RELN: variants seen among roughly 807,000 people sequenced by gnomAD.
RELN encodes the protein reelin.
RELN carries 108 observed loss-of-function variants against 427.6 expected under a neutral mutation model. That is an observed-to-expected ratio of 0.25 (90% CI 0.22 to 0.30). The LOEUF (loss-of-function observed/expected upper bound fraction) is 0.30. Among genes scored for constraint, RELN ranks in the 10% least tolerant of loss-of-function variants. The pLI, the probability that RELN is intolerant of heterozygous loss-of-function variation, is 1.00. For synonymous variants in RELN, 1,524 were observed against 1,513.4 expected (o/e 1.01, Z -0.16); for missense variants, 3,715 against 4,302.8 (o/e 0.86, Z 3.82).
rs571359143 is a variant in RELN at position 103,977,692 on chromosome 7, C to T, written c.226+11439G>A. On this transcript the variant is annotated intron_variant, in intron 1 of 64. Transcript: ENST00000428762. ...CGACTCCTTTAGCAGTTGACCACTCCCTTCTCCTTGAGACACGAATCATTT... is the reference window on the plus strand; with the variant it reads ...CGACTCCTTTAGCAGTTGACCACTCTCTTCTCCTTGAGACACGAATCATTT... Among the ~76,000 whole-genome samples the T allele has an allele frequency of 9.9e-5, 15 of 152,202 alleles. No homozygotes were observed. In the East Asian group the frequency reaches 2.9e-3, roughly 30 times the overall value.
At chr7:103,475,995 C>T (rs1828019862) in intron 64 of RELN, among the ~76,000 whole-genome samples, 1 of 152,090 alleles carries the variant, frequency 6.6e-6, no homozygotes, top group Non-Finnish European at 1.5e-5. Flanking sequence ...TCAAGTGATC[C>T]TGTTGCCTTG....
intron 46 of RELN, 127 bp from the exon 47 acceptor site, chr7:103,523,658 G>T: frequency 1.1e-6 from 1 of 903,936 alleles, no homozygotes; most frequent in Non-Finnish European, 1.7e-6. Flanking sequence ...TTTCTGAAAA[G>T]AACATTCATT....
Position 103,542,775 on chromosome 7 carries a change from G to A in RELN, c.6627C>T (p.Gly2209=), listed in dbSNP as rs2117134413. 3 of 1,614,050 alleles carry A rather than the reference G, an allele frequency of 1.9e-6. No individual in the cohort carries two copies. In the East Asian group the frequency reaches 6.7e-5, roughly 36 times the overall value. Residue 2209 remains glycine (G), a synonymous_variant, in exon 43 of 65, where the codon GGC becomes GGT. Transcript: ENST00000428762. The stretch of plus-strand genomic sequence containing the variant: ...GGTCTCGTGTCATCAACATGCGCAA[G>A]CCATCTTCATTGAAAAAGAGGTTGT... ...SGNNLFFNED[G]LRMLMTRDLD... is the part of the protein sequence containing the mutation.
intron 38 of RELN, among the ~76,000 whole-genome samples, chr7:103,556,047 G>A (rs1305441202): frequency 6.6e-6 from 1 of 152,120 alleles, no homozygotes; most frequent in African/African-American, 2.4e-5. Context: ...TAGAAATATA[G>A]AAAGCAATAA....
In RELN at chr7:103,489,876, T is replaced by C; in HGVS notation, c.9629A>G (p.Gln3210Arg). The C allele has an allele frequency of 6.2e-7, 1 of 1,614,200 alleles. No individual in the cohort carries two copies. Among genetic ancestry groups the C allele is most frequent in the Non-Finnish European group, 8.5e-7 (1 of 1,180,028 alleles). The change falls in exon 60 of 65, where the codon CAG becomes CGG. Residue 3210 changes from glutamine (Q) to arginine (R), a missense_variant. Gln to Arg is a conservative substitution (Grantham distance 43). Transcript: ENST00000428762. ...TTGCTTCTCAGTTTCTTCTCCCTTC[T>C]GGATCCAGCGGAACTGTGTTGCACT... ...SSSATQFRWI[Q>R]KGEETEKQSW...
intron 28 of RELN, among the ~76,000 whole-genome samples, chr7:103,588,188 A>G (rs1190781793): frequency 6.6e-6 from 1 of 152,190 alleles, no homozygotes; most frequent in African/African-American, 2.4e-5. Context: ...CTATTTGGCC[A>G]TAGAGAAGAA....
intron 8 of RELN, among the ~76,000 whole-genome samples, chr7:103,718,451 A>G (rs1380205905): frequency 6.6e-6 from 1 of 152,130 alleles, no homozygotes; most frequent in African/African-American, 2.4e-5. Flanking sequence ...CAAATAATAG[A>G]TTCTAGTTAG....
Position 103,619,313 on chromosome 7 carries a change from C to T in RELN, c.2703-7510G>A, listed in dbSNP as rs79659838. Reference sequence around the variant, plus strand: ...CCACAAATGAATGCTGTCTCTTCTTCTAACTGGGCTATGTGCACTTACAGC... The same window carrying T: ...CCACAAATGAATGCTGTCTCTTCTTTTAACTGGGCTATGTGCACTTACAGC... On this transcript the variant is annotated intron_variant, in intron 20 of 64. Transcript: ENST00000428762. Among the ~76,000 whole-genome samples the T allele has an allele frequency of 7.6e-4, 115 of 152,264 alleles. No individual in the cohort carries two copies. In the South Asian group the frequency reaches 0.012, roughly 16 times the overall value.
rs1487350131 is a variant in RELN at position 103,561,859 on chromosome 7, G to A, written c.5305C>T (p.Pro1769Ser). ...IDNVVLASGC[P>S]WMCSGRGICD... ...ATCCCTCGTCCTGAGCACATCCAAGGGCACCCTGAGGCCAGTACAACATTA... is the reference window on the plus strand; with the variant it reads ...ATCCCTCGTCCTGAGCACATCCAAGAGCACCCTGAGGCCAGTACAACATTA... The change falls in exon 35 of 65, where the codon CCT (proline) becomes TCT (serine). Residue 1769 changes from proline (P) to serine (S), a missense_variant. By Grantham distance (74) the Pro-to-Ser change is moderately conservative. This residue lies in a region of RELN where 2,208 missense variants were observed against 2,361.7 expected (regional missense o/e 0.93). Coordinates refer to ENST00000428762, the MANE Select transcript of RELN (RefSeq NM_005045.4). The A allele has an allele frequency of 2.5e-6, 4 of 1,613,346 alleles. No homozygotes were observed. Among genetic ancestry groups the A allele is most frequent in the South Asian group, 2.2e-5 (2 of 91,050 alleles).
At chr7:103,778,328 G>A (rs1791798197) in intron 3 of RELN, among the ~76,000 whole-genome samples, 1 of 152,142 alleles carries the variant, frequency 6.6e-6, no homozygotes, top group South Asian at 2.1e-4. Context: ...CACCAATGTA[G>A]AATTTTAACG....
At chr7:103,795,923 G>T (rs2116289863) in intron 3 of RELN, among the ~76,000 whole-genome samples, 1 of 152,290 alleles carries the variant, frequency 6.6e-6, no homozygotes, top group South Asian at 2.1e-4. Context: ...TAGTGCTAAA[G>T]AAATCACATT....
rs564852431 is a variant in RELN, at chr7:103,785,449, C to T, written c.474-8822G>A. ...ATGTATGCAAAGTATTTAAGTATCACATTTAAGTGGACTCAAAGAAAGAGC... is the reference window on the plus strand; with the variant it reads ...ATGTATGCAAAGTATTTAAGTATCATATTTAAGTGGACTCAAAGAAAGAGC... On this transcript the variant is annotated intron_variant, in intron 3 of 64. Transcript: ENST00000428762. 2.6e-5 allele frequency among the ~76,000 whole-genome samples: 4 copies of T among 152,226 alleles called. No homozygotes were observed. The South Asian group carries it at 8.3e-4, about 32-fold the overall frequency.
At chr7:103,833,379 T>A (rs1039983814) in intron 3 of RELN, among the ~76,000 whole-genome samples, 158 bp downstream of exon 3, 3 of 152,254 alleles carry the variant, frequency 2.0e-5, no homozygotes, top group Admixed American at 6.5e-5. Context: ...ATTTACTTTT[T>A]AAAAAAGTTT....
intron 38 of RELN, among the ~76,000 whole-genome samples, chr7:103,554,812 T>C (rs940518672): frequency 6.6e-6 from 1 of 152,084 alleles, no homozygotes; most frequent in African/African-American, 2.4e-5. Flanking sequence ...GAATGAGTGG[T>C]CAGTTAGTGG....
intron 4 of RELN, 119 bp downstream of exon 4, chr7:103,776,438 T>C (rs1352736801): frequency 9.8e-7 from 1 of 1,019,402 alleles, no homozygotes; most frequent in Non-Finnish European, 1.6e-6. Flanking sequence ...GGGTCAATAC[T>C]TACATTTTTA....
At chr7:103,545,393 C>G (rs781341141) in intron 41 of RELN, 49 bp from the exon 42 acceptor site, 1 of 1,263,440 alleles carries the variant, frequency 7.9e-7, no homozygotes, top group Admixed American at 1.7e-5. Flanking sequence ...GAACAATATA[C>G]CTTCAAAGTA....
At chr7:103,777,883 T>TCACACA (rs201873652) in intron 3 of RELN, among the ~76,000 whole-genome samples, 52,548 of 143,728 alleles carry the variant, frequency 0.37, 9,727 homozygotes, top group Middle Eastern at 0.47. Flanking sequence ...TGTTATACCT[T>TCACACA]CACACACACA....
At chr7:103,789,398 C>A (rs1315039631) in intron 3 of RELN, among the ~76,000 whole-genome samples, 1 of 152,088 alleles carries the variant, frequency 6.6e-6, no homozygotes, top group Non-Finnish European at 1.5e-5. Flanking sequence ...TTAGAGTGAA[C>A]AGGCAACTTA....
At position 103,698,066 on chromosome 7, in the gene RELN, G is replaced by C. The variant is rs751695466; in HGVS notation, c.930C>G (p.Ile310Met). The C allele has an allele frequency of 6.2e-6, 10 of 1,613,690 alleles. No homozygotes were observed. The highest frequency in any genetic ancestry group is 2.7e-5 in the African/African-American group (2 of 74,896). The part of the protein sequence containing the change: ...IRAPSNVSTI[I>M]HILYLPEDAK... Reference sequence around the variant, plus strand: ...CGTCCTCAGGAAGGTAGAGGATATGGATGATTGTGCTGACATTGGAAGGGG... The same window carrying C: ...CGTCCTCAGGAAGGTAGAGGATATGCATGATTGTGCTGACATTGGAAGGGG... The change falls in exon 10 of 65, where the codon ATC becomes ATG. Residue 310 changes from isoleucine to methionine, a missense_variant. Transcript: ENST00000428762.
Sources: allele counts gnomAD v4.1 joint callset (sites outside exome capture counted in the v4.1 genomes callset), GRCh38; gene constraint gnomAD v4.1.1; regional missense constraint gnomAD v4.1.1; transcripts MANE v1.5; gene names NCBI Gene and HGNC (gene_info 2026-07-23, HGNC 2026-07-21).